The following KCNIP1 variants were observed in gnomAD, a reference collection of about 807,000 sequenced individuals.
KCNIP1 encodes potassium voltage-gated channel interacting protein 1.
KCNIP1 carries 18 observed loss-of-function variants against 33.0 expected under a neutral mutation model. The observed-to-expected ratio is 0.55, with a 90% CI of 0.38 to 0.81. The LOEUF (loss-of-function observed/expected upper bound fraction) is 0.81, where lower values mean the gene tolerates loss of function less well. Ranked by LOEUF, KCNIP1 falls within the 30% of genes least tolerant of loss-of-function variation. KCNIP1 has a pLI of 0.00. For synonymous variants in KCNIP1, 93 were observed against 98.3 expected, an observed-to-expected ratio of 0.95 and a Z score of 0.32; for missense variants, 238 against 271.6, an observed-to-expected ratio of 0.88 and a Z score of 0.87.
intron 1 of KCNIP1, among the ~76,000 whole-genome samples, chr5:170,407,052 A>G (rs946827487): frequency 1.3e-5 from 2 of 152,226 alleles, no homozygotes; most frequent in African/African-American, 4.8e-5. Context: ...TGGAGTCCTC[A>G]GAGCAGCATG....
intron 1 of KCNIP1, among the ~76,000 whole-genome samples, chr5:170,475,818 C>G (rs185456578): frequency 6.6e-6 from 1 of 152,004 alleles, no homozygotes. Flanking sequence ...CACCCCCTGC[C>G]GAGAAGAAAC....
At chr5:170,689,920 T>G (rs1354179386) in intron 1 of KCNIP1, among the ~76,000 whole-genome samples, 1 of 152,178 alleles carries the variant, frequency 6.6e-6, no homozygotes, top group Non-Finnish European at 1.5e-5. Context: ...GCCCCCCTCT[T>G]ATTAAACATT....
intron 1 of KCNIP1, among the ~76,000 whole-genome samples, chr5:170,495,132 C>T (rs929322543): frequency 3.3e-5 from 5 of 152,206 alleles, no homozygotes; most frequent in African/African-American, 9.6e-5. Context: ...GATGCCCCAT[C>T]CCCAGTGTTG....
At chr5:170,563,457 C>T (rs528803903) in intron 1 of KCNIP1, among the ~76,000 whole-genome samples, 7 of 152,192 alleles carry the variant, frequency 4.6e-5, no homozygotes, top group Non-Finnish European at 8.8e-5. Flanking sequence ...CCATACCTCA[C>T]TCTGTAGCCT....
intron 1 of KCNIP1, among the ~76,000 whole-genome samples, chr5:170,588,681 C>T (rs1380021615): frequency 6.6e-6 from 1 of 152,136 alleles, no homozygotes; most frequent in African/African-American, 2.4e-5. Context: ...TAAGATATTC[C>T]CAAGGGACCC....
intron 1 of KCNIP1, among the ~76,000 whole-genome samples, chr5:170,598,422 G>A (rs1228387456): frequency 2.6e-5 from 4 of 152,220 alleles, no homozygotes; most frequent in Admixed American, 6.5e-5. Flanking sequence ...ACACCTGGCT[G>A]TGGTCCCTGG....
chr5:170,702,406 G>A (rs1201793375), intron 1 of KCNIP1, among the ~76,000 whole-genome samples: 1 of 152,224 alleles, frequency 6.6e-6, no homozygotes, highest in African/African-American at 2.4e-5. Context: ...CACACGCTCT[G>A]TGACTTATAC....
intron 1 of KCNIP1, among the ~76,000 whole-genome samples, chr5:170,577,446 G>A (rs990402248): frequency 2.0e-5 from 3 of 152,160 alleles, no homozygotes; most frequent in Non-Finnish European, 4.4e-5. Flanking sequence ...AAGCTGGAGC[G>A]GATGAGAAAT....
At chr5:170,652,264 G>A (rs980027301) in intron 1 of KCNIP1, among the ~76,000 whole-genome samples, 6 of 152,036 alleles carry the variant, frequency 3.9e-5, no homozygotes, top group Admixed American at 6.6e-5. Context: ...TGGATGATTC[G>A]CTTGAGCCCA....
At chr5:170,361,565 G>T (rs1486202182) in intron 1 of KCNIP1, among the ~76,000 whole-genome samples, 1 of 152,114 alleles carries the variant, frequency 6.6e-6, no homozygotes, top group Non-Finnish European at 1.5e-5. Context: ...ACAACTGCTT[G>T]CTGTCTTAGG....
intron 1 of KCNIP1, among the ~76,000 whole-genome samples, chr5:170,612,069 G>T (rs563638192): frequency 6.6e-6 from 1 of 152,200 alleles, no homozygotes; most frequent in Non-Finnish European, 1.5e-5. Flanking sequence ...TGTCTACCCT[G>T]TCAGGTTTCC....
intron 5 of KCNIP1, 26 bp from the exon 6 acceptor site, chr5:170,732,774 T>C (rs750128443): frequency 7.4e-6 from 11 of 1,485,684 alleles, no homozygotes; most frequent in Non-Finnish European, 9.4e-6. Flanking sequence ...GTTTCCACAC[T>C]GTGTGCTTTT....
At chr5:170,623,522 T>C (rs1273202319) in intron 1 of KCNIP1, among the ~76,000 whole-genome samples, 1 of 152,128 alleles carries the variant, frequency 6.6e-6, no homozygotes, top group Non-Finnish European at 1.5e-5. Context: ...CGGGGACCCC[T>C]GTCTTAAACC....
intron 1 of KCNIP1, among the ~76,000 whole-genome samples, chr5:170,570,349 C>T (rs1757360781): frequency 6.6e-6 from 1 of 152,148 alleles, no homozygotes; most frequent in Non-Finnish European, 1.5e-5. Flanking sequence ...AGCCATGAAG[C>T]ACCTGGGAGA....
At chr5:170,636,996 A>AC (rs1050139489) in intron 1 of KCNIP1, among the ~76,000 whole-genome samples, 18 of 150,160 alleles carry the variant, frequency 1.2e-4, no homozygotes, top group South Asian at 4.3e-4. Context: ...GGTTGGCCCC[A>AC]CCCCCAACCC....
intron 1 of KCNIP1, among the ~76,000 whole-genome samples, chr5:170,617,949 A>G (rs1759452806): frequency 6.6e-6 from 1 of 152,206 alleles, no homozygotes; most frequent in Non-Finnish European, 1.5e-5. Context: ...GAGATATAAA[A>G]CAGTTGTCTT....
At chr5:170,454,346 T>G (rs1385589390) in intron 1 of KCNIP1, among the ~76,000 whole-genome samples, 2 of 152,194 alleles carry the variant, frequency 1.3e-5, no homozygotes, top group African/African-American at 4.8e-5. Flanking sequence ...TGCATACAGG[T>G]AGCTTCTTCC....
chr5:170,679,662 T>TGTGTGTGTG (rs1561760114), intron 1 of KCNIP1, among the ~76,000 whole-genome samples: 2 of 151,072 alleles, frequency 1.3e-5, no homozygotes, highest in African/African-American at 2.4e-5. Context: ...TGTGTGTGTG[T>TGTGTGTGTG]TCCTTTCCAA....
At chr5:170,723,725 A>T (rs943001141) in intron 5 of KCNIP1, among the ~76,000 whole-genome samples, 5 of 152,154 alleles carry the variant, frequency 3.3e-5, no homozygotes, top group Non-Finnish European at 7.3e-5. Context: ...GCATAGAGAG[A>T]TGGACAATAA....
Sources: gnomAD v4.1 joint callset for allele counts (sites outside exome capture counted in the v4.1 genomes callset) on GRCh38, gnomAD v4.1.1 for gene constraint, MANE v1.5 for transcripts, NCBI Gene and HGNC (gene_info 2026-07-23, HGNC 2026-07-21) for gene names.